Variants in NUP153 observed in about 807,000 individuals in gnomAD.
NUP153 encodes nuclear pore complex protein Nup153.
Under a neutral mutation model 134.6 loss-of-function variants are expected in NUP153, and 27 were observed. The observed-to-expected ratio is 0.20, with a 90% confidence interval of 0.15 to 0.28. The LOEUF (loss-of-function observed/expected upper bound fraction) is 0.28, where lower values mean the gene tolerates loss of function less well. Among genes scored for constraint, NUP153 ranks in the 10% least tolerant of loss-of-function variants. The probability of loss-of-function intolerance (pLI) is 1.00; values close to 1 mark genes in which losing one functional copy is unlikely to be tolerated. For synonymous variants in NUP153, 640 were observed against 623.5 expected (o/e 1.03, Z -0.40); for missense variants, 1,821 against 1,731.3 (o/e 1.05, Z -0.92).
chr6:17,655,394 T>C (rs1766752714), intron 11 of NUP153, among the ~76,000 whole-genome samples: 1 of 152,192 alleles, frequency 6.6e-6, no homozygotes, highest in South Asian at 2.1e-4. Context: ...ATCTCTTCCA[T>C]GTCACTCTTC....
chr6:17,643,776 A>G (rs1209993311), intron 14 of NUP153, among the ~76,000 whole-genome samples: 2 of 152,222 alleles, frequency 1.3e-5, no homozygotes, highest in African/African-American at 4.8e-5. Flanking sequence ...GCCACTCATA[A>G]TCGACTCCTT....
intron 11 of NUP153, among the ~76,000 whole-genome samples, chr6:17,658,731 C>T (rs929440695): frequency 9.9e-5 from 15 of 152,136 alleles, no homozygotes; most frequent in African/African-American, 3.6e-4. Context: ...TTTGAAGTGT[C>T]GTCTTCTCCT....
intron 1 of NUP153, among the ~76,000 whole-genome samples, chr6:17,704,291 CAAA>C (rs377303845): frequency 1.3e-4 from 13 of 96,412 alleles, no homozygotes; most frequent in Non-Finnish European, 1.7e-4. Context: ...GACTCCGTCT[CAAA>C]AAAAAAAAAA....
chr6:17,688,587 T>C lies in NUP153; in HGVS notation c.143A>G (p.Lys48Arg). Residue 48 changes from lysine (K) to arginine (R), a missense_variant, in exon 2 of 22, where the codon AAG becomes AGG. Physicochemically the swap from Lys to Arg is conservative, Grantham distance 26. Transcript: ENST00000262077. ...TTGTAGCCACCCTGGCACAATATTCTTAACAGATTCTGTAACCCTGCTAAG... is the reference window on the plus strand; with the variant it reads ...TTGTAGCCACCCTGGCACAATATTCCTAACAGATTCTGTAACCCTGCTAAG... The part of the protein sequence containing the change: ...GILSRVTESV[K>R]NIVPGWLQRY... 6.2e-7 allele frequency: 1 copy of C among 1,613,828 alleles called. No homozygotes were observed. Among genetic ancestry groups the C allele is most frequent in the Non-Finnish European group, 8.5e-7 (1 of 1,179,734 alleles).
chr6:17,693,126 A>C (rs768320772), intron 1 of NUP153, among the ~76,000 whole-genome samples: 10 of 151,222 alleles, frequency 6.6e-5, no homozygotes, highest in Non-Finnish European at 1.3e-4. Context: ...CTCTGAATCC[A>C]CTCACTTGGA....
At chr6:17,618,653 C>T (rs1442218986) in intron 20 of NUP153, among the ~76,000 whole-genome samples, 2 of 151,416 alleles carry the variant, frequency 1.3e-5, no homozygotes, top group Non-Finnish European at 2.9e-5. Flanking sequence ...GCAAGCTCCA[C>T]CTCCCGAGTT....
At chr6:17,637,893 T>C (rs1180526759) in intron 15 of NUP153, 123 bp from the exon 16 acceptor site, 9 of 1,054,104 alleles carry the variant, frequency 8.5e-6, no homozygotes, top group Non-Finnish European at 1.2e-5. Context: ...CAAGATGAAC[T>C]ACTTAAGAAT....
intron 9 of NUP153, among the ~76,000 whole-genome samples, chr6:17,664,467 T>C (rs543078844): frequency 1.3e-5 from 2 of 152,298 alleles, no homozygotes; most frequent in South Asian, 4.1e-4. Flanking sequence ...ATCTGAACCT[T>C]GCTCGAGTCC....
intron 14 of NUP153, among the ~76,000 whole-genome samples, chr6:17,642,321 G>A (rs900193693): frequency 6.6e-5 from 10 of 152,120 alleles, no homozygotes; most frequent in African/African-American, 1.7e-4. Context: ...TGCAAATCAC[G>A]TATCTGGTAA....
intron 5 of NUP153, among the ~76,000 whole-genome samples, chr6:17,671,453 G>A (rs901867510): frequency 1.3e-5 from 2 of 152,102 alleles, no homozygotes; most frequent in Non-Finnish European, 2.9e-5. Flanking sequence ...TTGCTGGAAC[G>A]TATTTTAAAT....
chr6:17,693,620 C>CTCA (rs1490457073), intron 1 of NUP153, among the ~76,000 whole-genome samples: 1 of 152,246 alleles, frequency 6.6e-6, no homozygotes, highest in African/African-American at 2.4e-5. Context: ...GGAACAGTGG[C>CTCA]TCACGCCTGT....
chr6:17,633,301 T>C (rs1449156585), intron 16 of NUP153, among the ~76,000 whole-genome samples: 2 of 152,216 alleles, frequency 1.3e-5, no homozygotes, highest in African/African-American at 2.4e-5. Context: ...ACAGACCATA[T>C]GAATTTCAAG....
intron 2 of NUP153, among the ~76,000 whole-genome samples, chr6:17,686,935 C>A (rs1471880566): frequency 6.6e-6 from 1 of 151,504 alleles, no homozygotes; most frequent in Non-Finnish European, 1.5e-5. Context: ...ATTGTACTAT[C>A]CTCTTTATTT....
At chr6:17,652,869 A>C (rs1415591275) in intron 11 of NUP153, among the ~76,000 whole-genome samples, 2 of 147,532 alleles carry the variant, frequency 1.4e-5, no homozygotes, top group African/African-American at 5.0e-5. Context: ...CTAAAAATAC[A>C]AAAAAAAAAA....
chr6:17,682,958 T>C (rs1768696379), intron 2 of NUP153, among the ~76,000 whole-genome samples: 1 of 149,386 alleles, frequency 6.7e-6, no homozygotes, highest in Non-Finnish European at 1.5e-5. Context: ...TCTTTGCGCA[T>C]CCACAAGAAG....
At chr6:17,684,816 G>A (rs1424941419) in intron 2 of NUP153, among the ~76,000 whole-genome samples, 1 of 152,156 alleles carries the variant, frequency 6.6e-6, no homozygotes, top group Non-Finnish European at 1.5e-5. Flanking sequence ...AGAGAATAGG[G>A]AGGCCCAGAA....
rs1035779599 is a variant in NUP153, at chr6:17,628,150, G to A, written c.3544+505C>T. On this transcript the variant is annotated intron_variant, in intron 18 of 21. Transcript: ENST00000262077. The surrounding 1 kb of genome is among the most constrained non-coding windows in gnomAD (Gnocchi z 5.4). ...CAACAATCATGCTTTTAACCTTTAA[G>A]GTGCTATGTCATTTTTTTCCCCAGG... 6.6e-6 allele frequency among the ~76,000 whole-genome samples: 1 copy of A among 152,076 alleles called. No individual in the cohort carries two copies. Among genetic ancestry groups the A allele is most frequent in the Admixed American group, 6.6e-5 (1 of 15,260 alleles).
Position 17,632,980 on chromosome 6 carries a change from G to A in NUP153, c.2465-136C>T, listed in dbSNP as rs118024406. The A allele has an allele frequency of 2.3e-3, 1,404 of 623,362 alleles. 39 individuals carry two copies. In the East Asian group the frequency reaches 0.035, roughly 16 times the overall value. The allele number at this position is 623,362 out of a possible 1,614,324, so 38.6% of individuals were successfully genotyped here. ...AATATTTCCTATTAAAACACAGAAT[G>A]TGCCAGAAATAGACAACTGTTCATA... On this transcript the variant is annotated intron_variant, in intron 16 of 21. Transcript: ENST00000262077.
chr6:17,671,338 C>T (rs1767896978), intron 5 of NUP153, among the ~76,000 whole-genome samples: 1 of 152,010 alleles, frequency 6.6e-6, no homozygotes, highest in Non-Finnish European at 1.5e-5. Flanking sequence ...GGGAAGTGTT[C>T]CCTACTCTCC....
Sources: allele counts gnomAD v4.1 joint callset (sites outside exome capture counted in the v4.1 genomes callset), GRCh38; gene constraint gnomAD v4.1.1; non-coding constraint Gnocchi (gnomAD v3.1); transcripts MANE v1.5; gene names NCBI Gene and HGNC (gene_info 2026-07-23, HGNC 2026-07-21).